CPEB3: variants seen among roughly 807,000 people sequenced by gnomAD.
CPEB3 encodes the protein cytoplasmic polyadenylation element-binding protein 3.
In CPEB3, 20 loss-of-function variants were observed where a neutral mutation model predicts 67.2. That is an observed-to-expected ratio of 0.30 (90% CI 0.21 to 0.43). The LOEUF (loss-of-function observed/expected upper bound fraction) is 0.43, where lower values mean the gene tolerates loss of function less well. Among genes scored for constraint, CPEB3 ranks in the 20% least tolerant of loss-of-function variants. The pLI is 1.00. For missense variants in CPEB3, 746 were observed against 968.6 expected (o/e 0.77, Z 3.05); for synonymous variants, 376 against 393.1 (o/e 0.96, Z 0.51).
intron 1 of CPEB3, among the ~76,000 whole-genome samples, chr10:92,268,614 C>T (rs1043886727): frequency 1.3e-5 from 2 of 152,230 alleles, no homozygotes; most frequent in African/African-American, 4.8e-5. Flanking sequence ...AGGTTGTAAA[C>T]ATAAGTTGGT....
At chr10:92,075,177 A>G (rs1842888969) in intron 9 of CPEB3, among the ~76,000 whole-genome samples, 1 of 152,200 alleles carries the variant, frequency 6.6e-6, no homozygotes, top group Admixed American at 6.5e-5. Context: ...CTCCAACAAG[A>G]GGGACTCTAA....
chr10:92,135,771 T>C (rs978854025), intron 6 of CPEB3, among the ~76,000 whole-genome samples: 2 of 152,042 alleles, frequency 1.3e-5, no homozygotes, highest in African/African-American at 4.8e-5. Flanking sequence ...AAAATGTCCA[T>C]CAATGATAGA....
chr10:92,227,658 T>C (rs1851045300), intron 2 of CPEB3, among the ~76,000 whole-genome samples: 1 of 151,774 alleles, frequency 6.6e-6, no homozygotes, highest in Admixed American at 6.6e-5. Context: ...TGGCGCGATC[T>C]CGGCTCACTG....
intron 8 of CPEB3, among the ~76,000 whole-genome samples, chr10:92,084,891 T>C (rs1843311097): frequency 6.6e-6 from 1 of 152,184 alleles, no homozygotes; most frequent in African/African-American, 2.4e-5. Context: ...ATCTGTATTT[T>C]AACTACAGAA....
chr10:92,225,475 C>G (rs755640061), intron 2 of CPEB3, among the ~76,000 whole-genome samples: 164 of 152,044 alleles, frequency 1.1e-3, no homozygotes, highest in Non-Finnish European at 2.1e-3. Context: ...TGGAGTCCAG[C>G]CTGGGCAACA....
chr10:92,095,798 A>AT (rs1421964261), intron 7 of CPEB3, among the ~76,000 whole-genome samples: 3 of 151,612 alleles, frequency 2.0e-5, no homozygotes, highest in Non-Finnish European at 4.4e-5. Flanking sequence ...AATTCAATAA[A>AT]TTTCCTCTCT....
chr10:92,100,067 T>C (rs1267735173), intron 7 of CPEB3, among the ~76,000 whole-genome samples: 1 of 150,090 alleles, frequency 6.7e-6, no homozygotes, highest in African/African-American at 2.5e-5. Flanking sequence ...CCCAGGAGTT[T>C]GAGGTTGCAG....
intron 1 of CPEB3, among the ~76,000 whole-genome samples, chr10:92,250,233 G>A (rs759465918): frequency 7.4e-4 from 112 of 150,930 alleles, no homozygotes; most frequent in Non-Finnish European, 1.2e-3. Context: ...GACTACAGGC[G>A]CACTCCACCA....
At chr10:92,069,556 A>ACTACC (rs1294662105) in intron 9 of CPEB3, among the ~76,000 whole-genome samples, 1 of 152,042 alleles carries the variant, frequency 6.6e-6, no homozygotes, top group Non-Finnish European at 1.5e-5. Context: ...GGCACGTACC[A>ACTACC]CTACCGTCCA....
chr10:92,274,094 C>T (rs1043104638), intron 1 of CPEB3, among the ~76,000 whole-genome samples: 2 of 152,174 alleles, frequency 1.3e-5, no homozygotes, highest in African/African-American at 4.8e-5. Context: ...GTCAGCCATG[C>T]CACTTACTTG....
At chr10:92,169,572 G>C (rs934827122) in intron 4 of CPEB3, among the ~76,000 whole-genome samples, 1 of 152,172 alleles carries the variant, frequency 6.6e-6, no homozygotes, top group Non-Finnish European at 1.5e-5. Context: ...CCCAAATGTT[G>C]GGTATCCTTC....
At chr10:92,190,754 C>G (rs1407000173) in intron 3 of CPEB3, among the ~76,000 whole-genome samples, 1 of 143,882 alleles carries the variant, frequency 7.0e-6, no homozygotes, top group Non-Finnish European at 1.5e-5. Context: ...CAGACTCATA[C>G]AGAAGCCACA....
At chr10:92,087,022 G>C (rs540314178) in intron 8 of CPEB3, among the ~76,000 whole-genome samples, 39 of 152,306 alleles carry the variant, frequency 2.6e-4, no homozygotes, top group African/African-American at 8.9e-4. Flanking sequence ...ACTTGATACA[G>C]GATGGTTTCT....
chr10:92,192,140 T>C (rs1849011205), intron 3 of CPEB3, among the ~76,000 whole-genome samples: 1 of 152,198 alleles, frequency 6.6e-6, no homozygotes, highest in Non-Finnish European at 1.5e-5. Context: ...TATATATACA[T>C]GGACTTAAAT....
chr10:92,065,239 G>T (rs763114992), intron 9 of CPEB3, among the ~76,000 whole-genome samples: 16 of 152,152 alleles, frequency 1.1e-4, no homozygotes, highest in Non-Finnish European at 2.2e-4. Flanking sequence ...TTACTTTTGA[G>T]ACAGGGTCAC....
Position 92,262,048 on chromosome 10 carries a change from G to A in CPEB3, c.-11-21687C>T, listed in dbSNP as rs149088932. ...TAACCAACTGAAGCAATATCTATAG[G>A]TTTTTGGCATAGCTGTAATCTGAAG... On this transcript the variant is annotated intron_variant, in intron 1 of 9. Transcript: ENST00000265997. Among the ~76,000 whole-genome samples the A allele has an allele frequency of 4.9e-4, 74 of 152,276 alleles. 1 individual carries two copies. The East Asian group carries it at 0.011, about 22-fold the overall frequency.
chr10:92,190,086 TG>T (rs1337318843), intron 3 of CPEB3, among the ~76,000 whole-genome samples: 1 of 151,966 alleles, frequency 6.6e-6, no homozygotes, highest in Non-Finnish European at 1.5e-5. Flanking sequence ...GAGACCAGCC[TG>T]GCCAACATGG....
At chr10:92,143,222 G>T in intron 5 of CPEB3, 104 bp from the exon 6 acceptor site, 2 of 839,758 alleles carry the variant, frequency 2.4e-6, no homozygotes, top group Non-Finnish European at 3.7e-6. Flanking sequence ...AATGTTTTGA[G>T]GGTTGTTTTC....
chr10:92,152,632 T>G (rs976775202), intron 4 of CPEB3, among the ~76,000 whole-genome samples: 2 of 152,326 alleles, frequency 1.3e-5, no homozygotes, highest in Non-Finnish European at 2.9e-5. Context: ...AAGCTGATGA[T>G]GGATATATTG....
Sources: gnomAD v4.1 joint callset for allele counts (sites outside exome capture counted in the v4.1 genomes callset) on GRCh38, gnomAD v4.1.1 for gene constraint, MANE v1.5 for transcripts, NCBI Gene and HGNC (gene_info 2026-07-23, HGNC 2026-07-21) for gene names.